The following JAM3 variants were observed in gnomAD, a reference collection of about 807,000 sequenced individuals.
JAM3 encodes the protein junctional adhesion molecule 3.
JAM3 carries 31 observed loss-of-function variants against 39.4 expected under a neutral mutation model. The observed-to-expected ratio is 0.79, with a 90% CI of 0.59 to 1.06. The LOEUF (loss-of-function observed/expected upper bound fraction) is 1.06, where lower values mean the gene tolerates loss of function less well. Ranked by LOEUF, JAM3 falls within the 50% of genes least tolerant of loss-of-function variation. The pLI, the probability that JAM3 is intolerant of heterozygous loss-of-function variation, is 0.00. For missense variants in JAM3, 455 were observed against 391.4 expected, an observed-to-expected ratio of 1.16 and a Z score of -1.37; for synonymous variants, 182 against 148.7, an observed-to-expected ratio of 1.22 and a Z score of -1.63.
intron 1 of JAM3, among the ~76,000 whole-genome samples, chr11:134,127,049 GCA>G (rs1286581660): frequency 6.6e-6 from 1 of 152,320 alleles, no homozygotes. Context: ...GGTCAAGCAT[GCA>G]CACAATAAAA....
In JAM3 at chr11:134,140,686, T is replaced by A. The variant is rs1942958043; in HGVS notation, c.172T>A (p.Ser58Thr). 1 of 1,613,700 alleles carries A rather than the reference T, an allele frequency of 6.2e-7. No homozygotes were observed. Among genetic ancestry groups the A allele is most frequent in the Admixed American group, 1.7e-5 (1 of 59,986 alleles). ...GGAACTGTCTTGCATCATTACGGAT[T>A]CGCAGACAAGTGACCCCAGGATCGA... ...SVELSCIITD[S>T]QTSDPRIEWK... is the part of the protein sequence containing the mutation. Residue 58 changes from serine to threonine, a missense_variant, in exon 3 of 9, where the codon TCG becomes ACG. By Grantham distance (58) the Ser-to-Thr change is moderately conservative. Transcript: ENST00000299106.
intron 1 of JAM3, chr11:134,139,513 G>A (rs909777284): frequency 2.9e-6 from 1 of 340,948 alleles, no homozygotes; most frequent in Non-Finnish European, 5.7e-6. Context: ...GGGAGAAAGG[G>A]CAGAAGGCCC....
intron 1 of JAM3, among the ~76,000 whole-genome samples, chr11:134,121,960 G>C (rs11827327): frequency 3.3e-5 from 5 of 152,122 alleles, no homozygotes; most frequent in African/African-American, 7.2e-5. Context: ...CACGTGTGCT[G>C]TTTTGATCTT....
intron 1 of JAM3, among the ~76,000 whole-genome samples, chr11:134,131,212 C>T (rs960908735): frequency 1.3e-4 from 14 of 111,984 alleles, no homozygotes; most frequent in African/African-American, 3.2e-4. Context: ...AAGACTCAGA[C>T]GGCTATAATA....
At chr11:134,141,577 A>G (rs999727871) in intron 3 of JAM3, among the ~76,000 whole-genome samples, 1 of 151,982 alleles carries the variant, frequency 6.6e-6, no homozygotes, top group Non-Finnish European at 1.5e-5. Flanking sequence ...GGCTGCATCT[A>G]TGTTTCAGAA....
intron 1 of JAM3, among the ~76,000 whole-genome samples, chr11:134,069,511 G>A (rs954466460): frequency 2.0e-5 from 3 of 151,614 alleles, no homozygotes; most frequent in African/African-American, 7.3e-5. Context: ...TCATCCCCCG[G>A]GTGGGCTCCT....
intron 1 of JAM3, among the ~76,000 whole-genome samples, chr11:134,100,164 TC>T (rs1193523850): frequency 6.6e-6 from 1 of 151,932 alleles, no homozygotes; most frequent in Non-Finnish European, 1.5e-5. Flanking sequence ...CCCCCTTTCC[TC>T]CTTAAAAAAA....
chr11:134,074,987 C>CTTT (rs57613157), intron 1 of JAM3, among the ~76,000 whole-genome samples: 2 of 124,492 alleles, frequency 1.6e-5, no homozygotes, highest in Admixed American at 8.5e-5. Context: ...AAGACAGCTG[C>CTTT]TTTTTTTTTT....
chr11:134,088,871 C>A (rs1434590833), intron 1 of JAM3, among the ~76,000 whole-genome samples: 1 of 152,202 alleles, frequency 6.6e-6, no homozygotes, highest in African/African-American at 2.4e-5. Flanking sequence ...CTCACTGCAA[C>A]CTCCGCCTCC....
chr11:134,116,607 A>G (rs1460587370), intron 1 of JAM3, among the ~76,000 whole-genome samples: 2 of 152,030 alleles, frequency 1.3e-5, no homozygotes, highest in African/African-American at 2.4e-5. Context: ...CTCCAGGCTT[A>G]TCTTGTATTT....
chr11:134,114,669 G>T (rs566447194), intron 1 of JAM3, among the ~76,000 whole-genome samples: 1 of 152,154 alleles, frequency 6.6e-6, no homozygotes, highest in African/African-American at 2.4e-5. Flanking sequence ...ATGCCTTTCT[G>T]TACTGATCTC....
At chr11:134,136,014 G>C (rs1470512522) in intron 1 of JAM3, among the ~76,000 whole-genome samples, 1 of 152,060 alleles carries the variant, frequency 6.6e-6, no homozygotes, top group Non-Finnish European at 1.5e-5. Flanking sequence ...AGGTTACATT[G>C]AGCTGAGATC....
chr11:134,100,896 T>C (rs1942061837), intron 1 of JAM3, among the ~76,000 whole-genome samples: 2 of 152,224 alleles, frequency 1.3e-5, no homozygotes, highest in Admixed American at 1.3e-4. Context: ...CACTTAGTTT[T>C]AAAGTAAATA....
chr11:134,148,194 A>T (rs917395199), intron 6 of JAM3: 25 of 285,346 alleles, frequency 8.8e-5, no homozygotes, highest in Non-Finnish European at 3.3e-5. Context: ...TCTTCTTGGG[A>T]TCCTGGCTCC....
At chr11:134,095,973 T>G (rs1240667554) in intron 1 of JAM3, among the ~76,000 whole-genome samples, 2 of 152,066 alleles carry the variant, frequency 1.3e-5, no homozygotes, top group Non-Finnish European at 2.9e-5. Flanking sequence ...TTGCCATGCA[T>G]TTTATTTATT....
intron 1 of JAM3, among the ~76,000 whole-genome samples, chr11:134,122,320 C>A (rs534292976): frequency 1.3e-3 from 201 of 152,270 alleles, no homozygotes; most frequent in African/African-American, 4.6e-3. Context: ...GTATTCAGAG[C>A]CTTAGAAGCA....
chr11:134,075,533 A>T (rs1254916274), intron 1 of JAM3, among the ~76,000 whole-genome samples: 3 of 152,186 alleles, frequency 2.0e-5, no homozygotes. Context: ...AATACCACAA[A>T]CAGGGTGGCA....
intron 1 of JAM3, among the ~76,000 whole-genome samples, chr11:134,078,569 T>C (rs752007422): frequency 5.3e-5 from 8 of 152,246 alleles, no homozygotes; most frequent in Non-Finnish European, 1.0e-4. Flanking sequence ...CTATGACTTA[T>C]GTGAGATCTC....
At position 134,131,907 on chromosome 11, in the gene JAM3, AAAAG is replaced by A. The variant is rs563755506; in HGVS notation, c.77-7943_77-7940del. ...TTATCAAGTTTGAGGAGCAAAAAGA[AAAAG>A]GAAGGAAGAAAAGTGAACAGAGTCT... On this transcript the variant is annotated intron_variant, in intron 1 of 8. Coordinates refer to ENST00000299106, the MANE Select transcript of JAM3 (RefSeq NM_032801.5). 2.9e-3 allele frequency among the ~76,000 whole-genome samples: 445 copies of A among 152,342 alleles called. 1 individual carries two copies. The highest frequency in any genetic ancestry group is 3.2e-3 in the Non-Finnish European group (215 of 68,028).
Sources: allele counts gnomAD v4.1 joint callset (sites outside exome capture counted in the v4.1 genomes callset), GRCh38; gene constraint gnomAD v4.1.1; transcripts MANE v1.5; gene names NCBI Gene and HGNC (gene_info 2026-07-23, HGNC 2026-07-21).